Variants in GLIS3 observed in about 807,000 individuals in gnomAD.
The protein encoded by GLIS3 is GLIS family zinc finger 3.
In GLIS3, 53 loss-of-function variants were observed where a neutral mutation model predicts 78.6. The observed-to-expected ratio is 0.67, with a 90% confidence interval of 0.54 to 0.85. GLIS3 has a LOEUF of 0.85. GLIS3 is among the 40% of genes least tolerant of loss of function. The pLI, the probability that GLIS3 is intolerant of heterozygous loss-of-function variation, is 0.00. For synonymous variants in GLIS3, 684 were observed against 509.9 expected, an observed-to-expected ratio of 1.34 and a Z score of -4.60; for missense variants, 1,703 against 1,231.1, an observed-to-expected ratio of 1.38 and a Z score of -5.74.
chr9:3,969,176 G>A lies in GLIS3; in HGVS notation c.1711-31987C>T, dbSNP rs142394258. On this transcript the variant is annotated intron_variant, in intron 4 of 10. Coordinates refer to ENST00000381971, the MANE Select transcript of GLIS3 (RefSeq NM_001042413.2). ...CATATGACCTGGCAAACTGAACAAT[G>A]AGCCTCACTGTTCGAAGAAGGTAAA... 3.3e-5 allele frequency among the ~76,000 whole-genome samples: 5 copies of A among 152,336 alleles called. No individual in the cohort carries two copies. In the East Asian group the frequency reaches 9.6e-4, roughly 29 times the overall value.
the GLIS3 span, among the ~76,000 whole-genome samples, chr9:4,422,169 C>A: frequency 1.6e-4 from 25 of 152,262 alleles, 1 homozygote; most frequent in East Asian, 4.6e-3. Flanking sequence ...ACATATGTAA[C>A]CATATCATAA....
intron 4 of GLIS3, among the ~76,000 whole-genome samples, chr9:3,944,317 T>C (rs531182783): frequency 2.0e-5 from 3 of 152,374 alleles, no homozygotes; most frequent in Admixed American, 2.0e-4. Context: ...ATCGAAAGGT[T>C]CTGGGGACAA....
chr9:4,343,838 C>G (rs1185557526), intron 2 of GLIS3, among the ~76,000 whole-genome samples: 2 of 152,152 alleles, frequency 1.3e-5, no homozygotes, highest in Non-Finnish European at 2.9e-5. Context: ...ACCACATGTT[C>G]TCACTTACAA....
chr9:4,415,527 C>T, the GLIS3 span, among the ~76,000 whole-genome samples: 1 of 152,316 alleles, frequency 6.6e-6, no homozygotes, highest in Admixed American at 6.5e-5. Flanking sequence ...TGCACTTGAA[C>T]ATCACCATCA....
intron 4 of GLIS3, among the ~76,000 whole-genome samples, chr9:4,055,549 T>A (rs982070486): frequency 3.9e-5 from 6 of 152,186 alleles, no homozygotes; most frequent in Non-Finnish European, 8.8e-5. Flanking sequence ...ATTTGTGACA[T>A]CAAACCTCCT....
chr9:4,313,953 T>A (rs1303272212), intron 2 of GLIS3, among the ~76,000 whole-genome samples: 1 of 152,176 alleles, frequency 6.6e-6, no homozygotes, highest in Non-Finnish European at 1.5e-5. Flanking sequence ...AAAACTGAAG[T>A]CCAGAAAGAG....
At chr9:4,070,525 CGTAA>C (rs1001167249) in intron 4 of GLIS3, among the ~76,000 whole-genome samples, 15 of 151,324 alleles carry the variant, frequency 9.9e-5, no homozygotes, top group East Asian at 3.9e-4. Context: ...TGTGCGTGTG[CGTAA>C]GTATTTGTGT....
At chr9:4,343,845 A>G (rs766050816) in intron 2 of GLIS3, among the ~76,000 whole-genome samples, 12 of 152,220 alleles carry the variant, frequency 7.9e-5, no homozygotes, top group Non-Finnish European at 1.3e-4. Context: ...GTTCTCACTT[A>G]CAAGTGGGAG....
intron 4 of GLIS3, among the ~76,000 whole-genome samples, chr9:4,001,691 T>C (rs540462250): frequency 2.5e-4 from 38 of 152,222 alleles, no homozygotes; most frequent in Non-Finnish European, 5.1e-4. Context: ...AAGCAGTCAG[T>C]CATCATATCT....
chr9:4,021,684 C>T (rs192092246), intron 4 of GLIS3, among the ~76,000 whole-genome samples: 1 of 152,248 alleles, frequency 6.6e-6, no homozygotes, highest in Non-Finnish European at 1.5e-5. Context: ...ACCGTTCCTC[C>T]TGGGATACCT....
chr9:3,879,714 T>A (rs1175937228), intron 7 of GLIS3, 119 bp from the exon 8 acceptor site: 1 of 1,062,468 alleles, frequency 9.4e-7, no homozygotes, highest in African/African-American at 1.6e-5. Context: ...CTCAGTGGTT[T>A]TCAGGGAACA....
intron 7 of GLIS3, among the ~76,000 whole-genome samples, chr9:3,886,379 G>C (rs1057085486): frequency 6.6e-6 from 1 of 152,118 alleles, no homozygotes; most frequent in African/African-American, 2.4e-5. Context: ...CACACCTTTT[G>C]AGTTACAACC....
At chr9:4,289,385 T>C (rs1448499385) in intron 1 of GLIS3, among the ~76,000 whole-genome samples, 4 of 152,158 alleles carry the variant, frequency 2.6e-5, no homozygotes, top group African/African-American at 9.7e-5. Flanking sequence ...AATAATAGCA[T>C]TCTCTACCAC....
chr9:4,446,748 C>T, the GLIS3 span, among the ~76,000 whole-genome samples: 4 of 151,032 alleles, frequency 2.6e-5, no homozygotes, highest in Non-Finnish European at 5.9e-5. Flanking sequence ...CTCCTGAACT[C>T]GGGTGACCTG....
intron 1 of GLIS3, among the ~76,000 whole-genome samples, chr9:4,297,569 C>T (rs1360855892): frequency 6.6e-6 from 1 of 152,176 alleles, no homozygotes; most frequent in Non-Finnish European, 1.5e-5. Flanking sequence ...TTGGTTCTGC[C>T]GGCTCGGGGA....
chr9:4,135,127 A>C (rs1476718748), intron 2 of GLIS3, among the ~76,000 whole-genome samples: 1 of 152,184 alleles, frequency 6.6e-6, no homozygotes, highest in Non-Finnish European at 1.5e-5. Flanking sequence ...TTTCATCCCT[A>C]AGGTTTATTA....
At chr9:4,419,078 T>C in the GLIS3 span, among the ~76,000 whole-genome samples, 1 of 152,218 alleles carries the variant, frequency 6.6e-6, no homozygotes, top group African/African-American at 2.4e-5. Flanking sequence ...AATACACCAT[T>C]GCTGAGAGCT....
intron 2 of GLIS3, among the ~76,000 whole-genome samples, chr9:4,212,585 A>G (rs1046112351): frequency 1.3e-5 from 2 of 152,192 alleles, no homozygotes; most frequent in Non-Finnish European, 2.9e-5. Context: ...GGCGCCTCTC[A>G]CCTTGATTTT....
intron 4 of GLIS3, among the ~76,000 whole-genome samples, chr9:3,945,969 G>T (rs1816268593): frequency 6.6e-6 from 1 of 151,550 alleles, no homozygotes; most frequent in Admixed American, 6.6e-5. Context: ...CTGGGCTCCA[G>T]GCCAGCCAAG....
Sources: allele counts gnomAD v4.1 joint callset (sites outside exome capture counted in the v4.1 genomes callset), GRCh38; gene constraint gnomAD v4.1.1; transcripts MANE v1.5; gene names NCBI Gene and HGNC (gene_info 2026-07-23, HGNC 2026-07-21).